INPP4B: variants seen among roughly 807,000 people sequenced by gnomAD.
INPP4B encodes inositol polyphosphate 4-phosphatase type II.
A neutral mutation model predicts 122.5 loss-of-function variants in INPP4B; 55 were observed. The ratio of observed to expected loss-of-function variants is 0.45; its 90% CI spans 0.36 to 0.56. INPP4B has a LOEUF of 0.56. INPP4B is among the 20% of genes least tolerant of loss of function. The pLI is 0.00. For missense variants in INPP4B, 1,000 were observed against 1,097.7 expected (o/e 0.91, Z 1.26); for synonymous variants, 403 against 388.7 (o/e 1.04, Z -0.43).
At chr4:142,336,460 C>T (rs114729184) in intron 7 of INPP4B, among the ~76,000 whole-genome samples, 1,593 of 152,292 alleles carry the variant, frequency 0.01, 35 homozygotes, top group African/African-American at 0.037. Flanking sequence ...CCACGGGTGG[C>T]GGGACCAAAC....
At position 142,109,501 on chromosome 4, in the gene INPP4B, C is replaced by T. The variant is rs117060695; in HGVS notation, c.2277-1311G>A. ...TTTAGCATCTAAGTTTCCACAAAGG[C>T]TTCCAAAACCTCTTGTGGGAATGTA... is the stretch of plus-strand genomic sequence containing the variant. On this transcript the variant is annotated intron_variant, in intron 22 of 25. Coordinates refer to ENST00000262992, the MANE Select transcript of INPP4B (RefSeq NM_001101669.3). Among the ~76,000 whole-genome samples the T allele has an allele frequency of 2.5e-4, 38 of 152,248 alleles. No homozygotes were observed. In the East Asian group the frequency reaches 6.0e-3, roughly 24 times the overall value.
At chr4:142,199,566 TC>T (rs1007383459) in intron 14 of INPP4B, among the ~76,000 whole-genome samples, 18 of 152,196 alleles carry the variant, frequency 1.2e-4, no homozygotes, top group African/African-American at 3.8e-4. Context: ...GTTTTTCCAC[TC>T]ACACATTTTT....
chr4:142,416,044 C>T (rs537483829), intron 5 of INPP4B, among the ~76,000 whole-genome samples: 1 of 151,864 alleles, frequency 6.6e-6, no homozygotes, highest in Non-Finnish European at 1.5e-5. Context: ...AGGAGATATA[C>T]CTAATGCTAA....
chr4:142,484,491 G>A, intron 2 of INPP4B, among the ~76,000 whole-genome samples: 1 of 151,614 alleles, frequency 6.6e-6, no homozygotes, highest in African/African-American at 2.4e-5. Context: ...GAATTAGAAG[G>A]GTCTTGATAC....
intron 1 of INPP4B, among the ~76,000 whole-genome samples, chr4:142,840,345 G>T (rs747349483): frequency 2.6e-5 from 4 of 152,082 alleles, no homozygotes; most frequent in Non-Finnish European, 5.9e-5. Context: ...AGGGGATTAG[G>T]ATTAAAAATG....
chr4:142,450,975 T>TG (rs540699029), intron 3 of INPP4B, among the ~76,000 whole-genome samples: 1 of 146,226 alleles, frequency 6.8e-6, no homozygotes, highest in Admixed American at 6.9e-5. Context: ...TAAAATTAAC[T>TG]CCCCCCCCCA....
At chr4:142,795,732 C>T (rs1320676136) in intron 1 of INPP4B, 1 of 151,882 alleles carries the variant, frequency 6.6e-6, no homozygotes, top group African/African-American at 2.4e-5. Context: ...CCAAAGCAAC[C>T]ATCAATGCGG....
At chr4:142,381,446 GA>G (rs1228453459) in intron 7 of INPP4B, among the ~76,000 whole-genome samples, 1 of 151,894 alleles carries the variant, frequency 6.6e-6, no homozygotes, top group Non-Finnish European at 1.5e-5. Flanking sequence ...TCTGAAATCC[GA>G]ACTCTCTATA....
chr4:142,481,552 G>T (rs898206299), intron 2 of INPP4B, among the ~76,000 whole-genome samples: 27 of 152,076 alleles, frequency 1.8e-4, no homozygotes, highest in African/African-American at 6.0e-4. Flanking sequence ...CTTTGTTAGA[G>T]ATTTTATAAT....
At chr4:142,161,988 T>G (rs1820386876) in intron 16 of INPP4B, among the ~76,000 whole-genome samples, 1 of 151,884 alleles carries the variant, frequency 6.6e-6, no homozygotes, top group Admixed American at 6.6e-5. Context: ...GATGTTTCTG[T>G]CCTTCTTCCT....
chr4:142,401,706 T>G (rs1801648706), intron 7 of INPP4B, among the ~76,000 whole-genome samples: 1 of 152,150 alleles, frequency 6.6e-6, no homozygotes, highest in Non-Finnish European at 1.5e-5. Flanking sequence ...AGGTAAATAT[T>G]TTAAAAGATG....
intron 10 of INPP4B, among the ~76,000 whole-genome samples, chr4:142,261,165 T>C (rs1302546693): frequency 1.3e-5 from 2 of 152,300 alleles, no homozygotes; most frequent in East Asian, 3.9e-4. Flanking sequence ...AGAGAAGAGA[T>C]ACAGAAGAGC....
At position 142,602,294 on chromosome 4, in the gene INPP4B, A is replaced by G. The variant is rs115907320; in HGVS notation, c.-191+123545T>C. Among the ~76,000 whole-genome samples the G allele has an allele frequency of 4.7e-3, 716 of 152,262 alleles. 7 individuals carry two copies. The highest frequency in any genetic ancestry group is 0.016 in the African/African-American group (675 of 41,576). ...AACATGGGAAGTGAAGGATCCCTTC[A>G]AGCAGAAAAACAAACCACTACTCAA... On this transcript the variant is annotated intron_variant, in intron 2 of 25. Coordinates refer to ENST00000262992, the MANE Select transcript of INPP4B (RefSeq NM_001101669.3).
At chr4:142,740,869 CTT>C (rs1463109452) in intron 1 of INPP4B, among the ~76,000 whole-genome samples, 2 of 152,158 alleles carry the variant, frequency 1.3e-5, no homozygotes, top group South Asian at 4.1e-4. Context: ...GATAAATTAA[CTT>C]AAAAGAGCAA....
At chr4:142,221,087 T>C (rs559629557) in intron 12 of INPP4B, among the ~76,000 whole-genome samples, 1 of 152,192 alleles carries the variant, frequency 6.6e-6, no homozygotes, top group East Asian at 1.9e-4. Context: ...CTATGCTGTG[T>C]GGACTCTCTA....
At chr4:142,769,643 G>T (rs1478217758) in intron 1 of INPP4B, among the ~76,000 whole-genome samples, 1 of 152,064 alleles carries the variant, frequency 6.6e-6, no homozygotes, top group African/African-American at 2.4e-5. Context: ...AGCCAGGTAT[G>T]GTGGCTCACA....
intron 2 of INPP4B, among the ~76,000 whole-genome samples, chr4:142,621,734 T>C (rs897019648): frequency 6.6e-6 from 1 of 151,848 alleles, no homozygotes; most frequent in Non-Finnish European, 1.5e-5. Context: ...TCACATATTC[T>C]ATGTACATAA....
chr4:142,810,282 G>C (rs1779349278), intron 1 of INPP4B, among the ~76,000 whole-genome samples: 1 of 151,700 alleles, frequency 6.6e-6, no homozygotes, highest in African/African-American at 2.4e-5. Context: ...TGTATATCTT[G>C]CCAAAAATAA....
intron 1 of INPP4B, among the ~76,000 whole-genome samples, chr4:142,746,536 T>C (rs1379792500): frequency 2.0e-5 from 3 of 152,026 alleles, no homozygotes; most frequent in Admixed American, 6.6e-5. Flanking sequence ...AAATTTCATA[T>C]GGAATGAAAA....
Sources: allele counts gnomAD v4.1 joint callset (sites outside exome capture counted in the v4.1 genomes callset), GRCh38; gene constraint gnomAD v4.1.1; transcripts MANE v1.5; gene names NCBI Gene and HGNC (gene_info 2026-07-23, HGNC 2026-07-21).